PDLIM5: variants seen among roughly 807,000 people sequenced by gnomAD.
PDLIM5 encodes PDZ and LIM domain protein 5.
Under a neutral mutation model 64.2 loss-of-function variants are expected in PDLIM5, and 34 were observed. The observed-to-expected ratio is 0.53, with a 90% CI of 0.40 to 0.71. The LOEUF (loss-of-function observed/expected upper bound fraction) is 0.71, where lower values mean the gene tolerates loss of function less well. PDLIM5 is among the 30% of genes least tolerant of loss of function. PDLIM5 has a pLI of 0.00. For missense variants in PDLIM5, 683 were observed against 733.6 expected (o/e 0.93, Z 0.80); for synonymous variants, 253 against 269.1 (o/e 0.94, Z 0.59).
chr4:94,569,320 TGTTTGTTTGTTC>T (rs1734604921), intron 3 of PDLIM5, among the ~76,000 whole-genome samples: 1 of 144,070 alleles, frequency 6.9e-6, no homozygotes, highest in South Asian at 2.1e-4. Flanking sequence ...CCCCTTCGTT[TGTTTGTTTGTTC>T]GTTTGTTTGT....
chr4:94,545,460 T>C (rs761304466), intron 3 of PDLIM5, among the ~76,000 whole-genome samples: 6 of 152,226 alleles, frequency 3.9e-5, no homozygotes, highest in Non-Finnish European at 7.3e-5. Context: ...TCATTTCTCT[T>C]ACTCAGTGCC....
At chr4:94,582,022 G>T (rs1385282130) in intron 5 of PDLIM5, among the ~76,000 whole-genome samples, 1 of 152,146 alleles carries the variant, frequency 6.6e-6, no homozygotes, top group Admixed American at 6.6e-5. Flanking sequence ...ATTAATGAGG[G>T]ACAGGAGAGA....
chr4:94,529,121 C>G (rs1295797450), intron 3 of PDLIM5, among the ~76,000 whole-genome samples: 3 of 152,152 alleles, frequency 2.0e-5, no homozygotes, highest in Non-Finnish European at 4.4e-5. Flanking sequence ...TTTCCAGGGC[C>G]TATGAAAACA....
intron 4 of PDLIM5, chr4:94,573,627 AT>A: frequency 2.0e-6 from 1 of 505,968 alleles, no homozygotes. Context: ...ACAATAACTT[AT>A]GTCAGATTTC....
chr4:94,455,411 T>C lies in PDLIM5; in HGVS notation c.96+27T>C, dbSNP rs756430018. ...TAAGTAAACTTTACAAATTTTATTA[T>C]AGATGTTCATTCAGTGCTTAGTCCT... is the stretch of plus-strand genomic sequence containing the variant. On this transcript the variant is annotated intron_variant, in intron 2 of 12. Transcript: ENST00000317968. The C allele has an allele frequency of 3.7e-5, 52 of 1,392,168 alleles. No individual in the cohort carries two copies. In the South Asian group the frequency reaches 5.9e-4, roughly 16 times the overall value. 86.2% of individuals were successfully genotyped at this position (1,392,168 alleles called of 1,614,324 possible).
intron 2 of PDLIM5, among the ~76,000 whole-genome samples, chr4:94,459,897 C>T (rs1723721521): frequency 6.6e-6 from 1 of 152,180 alleles, no homozygotes; most frequent in Non-Finnish European, 1.5e-5. Context: ...CCAAGTAAAG[C>T]TGTGAATGTA....
intron 7 of PDLIM5, among the ~76,000 whole-genome samples, chr4:94,614,295 T>C (rs1320542878): frequency 6.7e-6 from 1 of 149,922 alleles, no homozygotes; most frequent in Non-Finnish European, 1.5e-5. Flanking sequence ...TTTGTTTTTT[T>C]ACAGAGACAA....
intron 2 of PDLIM5, among the ~76,000 whole-genome samples, chr4:94,491,795 A>G (rs1230354403): frequency 1.3e-5 from 2 of 152,108 alleles, no homozygotes; most frequent in Non-Finnish European, 2.9e-5. Flanking sequence ...TCTTAATTCT[A>G]TACTTATGGA....
At chr4:94,572,996 G>T (rs1051684994) in intron 3 of PDLIM5, among the ~76,000 whole-genome samples, 2 of 152,162 alleles carry the variant, frequency 1.3e-5, no homozygotes, top group Non-Finnish European at 2.9e-5. Flanking sequence ...GCCACTCAAA[G>T]ATCAGAAGGT....
At chr4:94,630,240 T>C (rs1740035369) in intron 8 of PDLIM5, among the ~76,000 whole-genome samples, 1 of 152,230 alleles carries the variant, frequency 6.6e-6, no homozygotes, top group South Asian at 2.1e-4. Context: ...TTCAGTGTTT[T>C]TAACAAGAAC....
intron 7 of PDLIM5, among the ~76,000 whole-genome samples, chr4:94,601,218 A>C (rs1294497155): frequency 6.6e-6 from 1 of 152,168 alleles, no homozygotes; most frequent in African/African-American, 2.4e-5. Flanking sequence ...GTGTCTGGTG[A>C]GGGACTGCTT....
At chr4:94,496,994 G>T (rs1191898370) in intron 2 of PDLIM5, among the ~76,000 whole-genome samples, 1 of 152,104 alleles carries the variant, frequency 6.6e-6, no homozygotes, top group African/African-American at 2.4e-5. Context: ...GCATAAAAAG[G>T]CATTAAAATT....
At chr4:94,469,831 A>G (rs181752224) in intron 2 of PDLIM5, among the ~76,000 whole-genome samples, 1 of 152,176 alleles carries the variant, frequency 6.6e-6, no homozygotes, top group African/African-American at 2.4e-5. Flanking sequence ...TGAGGTGACT[A>G]TTTGGAAGTG....
chr4:94,586,882 AT>A, intron 7 of PDLIM5: 1 of 1,049,900 alleles, frequency 9.5e-7, no homozygotes, highest in Non-Finnish European at 1.3e-6. Context: ...TTAAGCTTTT[AT>A]AAGGCATGTT....
rs569287918 is a variant in PDLIM5, at chr4:94,511,556, A to G, written c.97-12168A>G. Among the ~76,000 whole-genome samples the G allele has an allele frequency of 3.3e-5, 5 of 151,732 alleles. No homozygotes were observed. The South Asian group carries it at 6.3e-4, about 19-fold the overall frequency. ...TGTACTATCAAGTAGTAAGTCTCAT[A>G]CATTCCTTTTAAATATTTTTTACTC... On this transcript the variant is annotated intron_variant, in intron 2 of 12. Coordinates refer to ENST00000317968, the MANE Select transcript of PDLIM5 (RefSeq NM_006457.5).
At chr4:94,534,669 A>C (rs549930795) in intron 3 of PDLIM5, among the ~76,000 whole-genome samples, 37 of 152,344 alleles carry the variant, frequency 2.4e-4, no homozygotes, top group African/African-American at 7.9e-4. Context: ...CCTAGGACAT[A>C]ATAAGGATAA....
At chr4:94,581,071 A>G (rs946395401) in intron 5 of PDLIM5, among the ~76,000 whole-genome samples, 1 of 152,148 alleles carries the variant, frequency 6.6e-6, no homozygotes, top group African/African-American at 2.4e-5. Flanking sequence ...AGAAATTGTC[A>G]TTGATTTCAC....
At chr4:94,499,090 A>G (rs1201944721) in intron 2 of PDLIM5, among the ~76,000 whole-genome samples, 2 of 152,182 alleles carry the variant, frequency 1.3e-5, no homozygotes, top group Non-Finnish European at 2.9e-5. Flanking sequence ...ATAATTTGAG[A>G]TAAGATTGGT....
intron 7 of PDLIM5, among the ~76,000 whole-genome samples, chr4:94,592,933 A>C (rs986607256): frequency 6.6e-6 from 1 of 151,918 alleles, no homozygotes; most frequent in African/African-American, 2.4e-5. Context: ...ATTCCTTCCC[A>C]CAATCATACA....
Sources: allele counts gnomAD v4.1 joint callset (sites outside exome capture counted in the v4.1 genomes callset), GRCh38; gene constraint gnomAD v4.1.1; transcripts MANE v1.5; gene names NCBI Gene and HGNC (gene_info 2026-07-23, HGNC 2026-07-21).